The following ITCH variants were observed in gnomAD, a reference collection of about 807,000 sequenced individuals.
The protein encoded by ITCH is E3 ubiquitin-protein ligase Itchy homolog.
Under a neutral mutation model 126.8 loss-of-function variants are expected in ITCH, and 28 were observed. The ratio of observed to expected loss-of-function variants is 0.22; its 90% CI spans 0.16 to 0.30. The LOEUF is 0.30. Among genes scored for constraint, ITCH ranks in the 10% least tolerant of loss-of-function variants. ITCH has a pLI of 1.00. For missense variants in ITCH, 631 were observed against 1,032.4 expected (o/e 0.61, Z 5.33); for synonymous variants, 342 against 340.0 (o/e 1.01, Z -0.06).
intron 2 of ITCH, among the ~76,000 whole-genome samples, chr20:34,386,891 CTTTTCA>C (rs2038303260): frequency 6.6e-6 from 1 of 152,092 alleles, no homozygotes; most frequent in African/African-American, 2.4e-5. Flanking sequence ...TTTCCACTGC[CTTTTCA>C]GTAAGATGTT....
At position 34,393,793 on chromosome 20, in the gene ITCH, T is replaced by A. The variant is rs1235997893; in HGVS notation, c.-19T>A. 6.2e-7 allele frequency: 1 copy of A among 1,604,260 alleles called. No individual in the cohort carries two copies. The stretch of plus-strand genomic sequence containing the variant: ...AGTGTCTCCTTTGCCATGTTCAGGT[T>A]TTCCAACCTATTGGTGGTATGTCTG... On this transcript the variant is annotated splice_region_variant and 5_prime_UTR_variant, in exon 3 of 25. Transcript: ENST00000374864.
chr20:34,470,031 C>G lies in ITCH; in HGVS notation c.1425-17C>G. On this transcript the variant is annotated splice_polypyrimidine_tract_variant and intron_variant, in intron 14 of 24. Coordinates refer to ENST00000374864, the MANE Select transcript of ITCH (RefSeq NM_031483.7). ...CAAGCAGCTATATATGTCCTGTTAA[C>G]CCTTGTTCTTCCTCAGAGACAATGG... The G allele has an allele frequency of 6.2e-7, 1 of 1,605,568 alleles. No individual in the cohort carries two copies. The highest frequency in any genetic ancestry group is 8.5e-7 in the Non-Finnish European group (1 of 1,172,202).
chr20:34,369,504 A>G (rs887265210), intron 2 of ITCH, 34 bp downstream of exon 2: 11 of 398,404 alleles, frequency 2.8e-5, no homozygotes, highest in African/African-American at 2.1e-4. Flanking sequence ...AATTGGGGGC[A>G]AGAGTGATGC....
intron 16 of ITCH, 28 bp from the exon 17 acceptor site, chr20:34,477,744 C>A (rs1310840695): frequency 6.2e-7 from 1 of 1,607,920 alleles, no homozygotes; most frequent in Middle Eastern, 1.7e-4. Flanking sequence ...GCTTTTTTCA[C>A]CAATTATTTT....
At chr20:34,423,091 G>A (rs766677205) in intron 6 of ITCH, among the ~76,000 whole-genome samples, 12 of 152,012 alleles carry the variant, frequency 7.9e-5, no homozygotes, top group African/African-American at 1.9e-4. Context: ...CACCACGCCC[G>A]GCCTCTATTT....
At chr20:34,413,467 A>G (rs986587468) in intron 5 of ITCH, among the ~76,000 whole-genome samples, 7 of 152,042 alleles carry the variant, frequency 4.6e-5, no homozygotes, top group Non-Finnish European at 8.8e-5. Context: ...ATTTTATACT[A>G]TAGTCTTACA....
Position 34,492,573 on chromosome 20 carries a change from G to T in ITCH, c.2392G>T (p.Val798Leu), listed in dbSNP as rs1480881406. The change falls in exon 23 of 25, where the codon GTA becomes TTA. Residue 798 changes from valine to leucine, a missense_variant. Physicochemically the swap from Val to Leu is conservative, Grantham distance 32. Around this residue, in one of 4 missense-constraint regions of ITCH, gnomAD observed 390 missense variants for 731.6 expected, o/e 0.53. Coordinates refer to ENST00000374864, the MANE Select transcript of ITCH (RefSeq NM_031483.7). ...QFVTGTCRLP[V>L]GGFADLMGSN... The stretch of plus-strand genomic sequence containing the variant: ...TGTTACTGGAACCTGCCGATTGCCA[G>T]TAGGAGGATTTGCTGATCTCATGGG... The T allele has an allele frequency of 6.2e-7, 1 of 1,612,000 alleles. No homozygotes were observed.
intron 3 of ITCH, among the ~76,000 whole-genome samples, chr20:34,398,747 A>G (rs1280425863): frequency 6.6e-6 from 1 of 151,674 alleles, no homozygotes; most frequent in African/African-American, 2.4e-5. Context: ...TTTTTAATTC[A>G]TTGCTTGCTA....
At chr20:34,424,026 G>A (rs189904954) in intron 6 of ITCH, among the ~76,000 whole-genome samples, 135 of 152,246 alleles carry the variant, frequency 8.9e-4, no homozygotes, top group Non-Finnish European at 1.8e-4. Context: ...CCCATTTGTG[G>A]CTTTCCTAAT....
At chr20:34,396,143 C>A (rs901774878) in intron 3 of ITCH, among the ~76,000 whole-genome samples, 1 of 151,464 alleles carries the variant, frequency 6.6e-6, no homozygotes, top group Non-Finnish European at 1.5e-5. Context: ...AAGTGATTCT[C>A]ATGCCTCAGT....
chr20:34,470,823 G>T (rs6087587), intron 15 of ITCH, among the ~76,000 whole-genome samples: 68,047 of 151,990 alleles, frequency 0.45, 15,791 homozygotes, highest in Non-Finnish European at 0.5. Context: ...GGATTCAAAT[G>T]ATCCTCCTGC....
intron 16 of ITCH, among the ~76,000 whole-genome samples, chr20:34,471,945 A>G (rs1298932133): frequency 6.6e-6 from 1 of 152,162 alleles, no homozygotes; most frequent in East Asian, 1.9e-4. Flanking sequence ...ACACTTCAGT[A>G]TTACTTGGAT....
intron 1 of ITCH, among the ~76,000 whole-genome samples, chr20:34,364,359 T>G (rs974876891): frequency 5.9e-5 from 9 of 152,222 alleles, no homozygotes; most frequent in African/African-American, 2.2e-4. Flanking sequence ...ATTTTTGCCT[T>G]GAAAATTAGT....
intron 15 of ITCH, among the ~76,000 whole-genome samples, 191 bp from the exon 16 acceptor site, chr20:34,471,253 T>TGCATATATTAA (rs149042716): frequency 0.011 from 1,609 of 152,338 alleles, 39 homozygotes; most frequent in African/African-American, 0.037. Flanking sequence ...TTCTTCTGTT[T>TGCATATATTAA]GCATATATTA....
intron 14 of ITCH, among the ~76,000 whole-genome samples, chr20:34,464,492 A>G (rs957632173): frequency 2.6e-5 from 4 of 151,444 alleles, no homozygotes; most frequent in African/African-American, 7.3e-5. Context: ...ACGCTGAGCT[A>G]ATTTTGTATT....
intron 6 of ITCH, among the ~76,000 whole-genome samples, chr20:34,419,526 G>A (rs1036612710): frequency 2.0e-5 from 3 of 150,546 alleles, no homozygotes; most frequent in African/African-American, 7.3e-5. Context: ...CTGTTGCCCC[G>A]GCTTGAGTGC....
Position 34,379,901 on chromosome 20 carries a change from C to T in ITCH, c.-22+10431C>T, listed in dbSNP as rs920525421. ...CGTGAACCACTGCACCCGGCCCCCC[C>T]CCCCCTTTTTTTTTGAGACAGAGTC... On this transcript the variant is annotated intron_variant, in intron 2 of 24. Coordinates refer to ENST00000374864, the MANE Select transcript of ITCH (RefSeq NM_031483.7). 2.8e-5 allele frequency among the ~76,000 whole-genome samples: 4 copies of T among 140,562 alleles called. 1 individual carries two copies. The South Asian group carries it at 9.6e-4, about 34-fold the overall frequency. 92.2% of individuals were successfully genotyped at this position (140,562 alleles called of 152,430 possible). A position where few individuals can be genotyped will look rare whatever the true frequency, so the allele number is the denominator to read the frequency against.
intron 2 of ITCH, among the ~76,000 whole-genome samples, chr20:34,376,566 T>A (rs1246162090): frequency 2.6e-5 from 4 of 151,648 alleles, no homozygotes; most frequent in African/African-American, 9.7e-5. Flanking sequence ...GGAGGGAAGT[T>A]AGTTAGTTAT....
At chr20:34,443,679 C>A (rs1264619583) in intron 10 of ITCH, among the ~76,000 whole-genome samples, 1 of 151,998 alleles carries the variant, frequency 6.6e-6, no homozygotes, top group Non-Finnish European at 1.5e-5. Context: ...TGGTGAGGAA[C>A]TTTACGTTGT....
Sources: gnomAD v4.1 joint callset for allele counts (sites outside exome capture counted in the v4.1 genomes callset) on GRCh38, gnomAD v4.1.1 for gene constraint, gnomAD v4.1.1 regional missense constraint, MANE v1.5 for transcripts, NCBI Gene and HGNC (gene_info 2026-07-23, HGNC 2026-07-21) for gene names.